CTBP2: variants seen among roughly 807,000 people sequenced by gnomAD.
The protein encoded by CTBP2 is C-terminal-binding protein 2.
Under a neutral mutation model 80.3 loss-of-function variants are expected in CTBP2, and 30 were observed. That is an observed-to-expected ratio of 0.37 (90% confidence interval 0.28 to 0.51). The LOEUF is 0.51. Among genes scored for constraint, CTBP2 ranks in the 20% least tolerant of loss-of-function variants. The pLI is 0.93. For synonymous variants in CTBP2, 594 were observed against 587.4 expected, an observed-to-expected ratio of 1.01 and a Z score of -0.16; for missense variants, 1,212 against 1,375.3, an observed-to-expected ratio of 0.88 and a Z score of 1.88.
intron 1 of CTBP2, among the ~76,000 whole-genome samples, chr10:125,149,044 C>T (rs1200718547): frequency 2.0e-5 from 3 of 152,160 alleles, no homozygotes; most frequent in East Asian, 1.9e-4. Flanking sequence ...TCCACCACTG[C>T]GCCGTGTTCT....
At chr10:125,077,195 G>A (rs1223805190) in intron 2 of CTBP2, among the ~76,000 whole-genome samples, 2 of 152,172 alleles carry the variant, frequency 1.3e-5, no homozygotes, top group African/African-American at 4.8e-5. Context: ...CCAAAATGTC[G>A]CTATTGTAAG....
chr10:125,036,856 G>A (rs1450241874), intron 3 of CTBP2, among the ~76,000 whole-genome samples: 1 of 152,056 alleles, frequency 6.6e-6, no homozygotes, highest in Non-Finnish European at 1.5e-5. Context: ...ACGCCTCTCT[G>A]GCAGCACCTG....
At chr10:125,083,454 C>T (rs1376408028) in intron 2 of CTBP2, among the ~76,000 whole-genome samples, 1 of 152,168 alleles carries the variant, frequency 6.6e-6, no homozygotes, top group Admixed American at 6.5e-5. Context: ...ATGTGCAGAC[C>T]CCCGACCTGG....
intron 2 of CTBP2, among the ~76,000 whole-genome samples, chr10:125,061,018 C>T (rs1036761034): frequency 2.6e-5 from 4 of 152,208 alleles, no homozygotes; most frequent in African/African-American, 7.2e-5. Context: ...TGCTAGATCC[C>T]GGCTCCCGGC....
chr10:125,064,062 AT>A (rs886172994), intron 2 of CTBP2, among the ~76,000 whole-genome samples: 1 of 152,016 alleles, frequency 6.6e-6, no homozygotes, highest in Non-Finnish European at 1.5e-5. Context: ...CATTAAAAAA[AT>A]AAATCACTGC....
chr10:124,998,964 A>C (rs1269380007), intron 3 of CTBP2: 1 of 152,352 alleles, frequency 6.6e-6, no homozygotes, highest in Non-Finnish European at 1.5e-5. Flanking sequence ...ATAGGCAGAA[A>C]GGGCCCTGCC....
chr10:124,984,712 A>T lies in CTBP2; in HGVS notation c.*4806T>A, dbSNP rs113039088. On this transcript the variant is annotated 3_prime_UTR_variant, in exon 9 of 9. Coordinates refer to ENST00000309035, the MANE Select transcript of CTBP2 (RefSeq NM_022802.3). ...TACCAGCTGTAGGTTTCCATGTCAC[A>T]TTCCTACCAAGTCTCTGATCTGTTG... 5.9e-6 allele frequency: 9 copies of T among 1,536,224 alleles called. No individual in the cohort carries two copies. In the African/African-American group the frequency reaches 8.2e-5, roughly 14 times the overall value.
intron 1 of CTBP2, among the ~76,000 whole-genome samples, chr10:125,022,539 G>A (rs1251400300): frequency 6.6e-6 from 1 of 152,028 alleles, no homozygotes; most frequent in East Asian, 1.9e-4. Flanking sequence ...GAGGAAGGAA[G>A]GAAGAAGTGA....
chr10:125,139,423 C>T (rs996356459), intron 1 of CTBP2, among the ~76,000 whole-genome samples: 3 of 150,770 alleles, frequency 2.0e-5, no homozygotes, highest in Non-Finnish European at 4.4e-5. Flanking sequence ...ATAATTATTC[C>T]ACCAAATTAA....
rs1228965818 is a variant in CTBP2, at chr10:125,026,568, G to C, written c.1192C>G (p.Arg398Gly). 1.3e-6 allele frequency: 2 copies of C among 1,566,216 alleles called. No homozygotes were observed. Among genetic ancestry groups the C allele is most frequent in the Non-Finnish European group, 1.7e-6 (2 of 1,155,838 alleles). The change falls in exon 1 of 9, where the codon CGA becomes GGA. Residue 398 changes from arginine to glycine, a missense_variant. Physicochemically the swap from Arg to Gly is moderately radical, Grantham distance 125 (BLOSUM62 -2). This residue lies in a region of CTBP2 where 848 missense variants were observed against 782.3 expected (regional missense o/e 1.08). Transcript: ENST00000309035. ...GGACGGCGAGCCGGGTCTCCAGCTCGGGGGGATGCTGTCTGCAGAGGAGCC... is the reference window on the plus strand; with the variant it reads ...GGACGGCGAGCCGGGTCTCCAGCTCCGGGGGATGCTGTCTGCAGAGGAGCC...
chr10:125,159,693 G>A (rs1468372038), intron 1 of CTBP2, among the ~76,000 whole-genome samples: 1 of 149,266 alleles, frequency 6.7e-6, no homozygotes, highest in Non-Finnish European at 1.5e-5. Context: ...CTTCCCCACG[G>A]AACCCCTCTT....
rs774950588 is a variant in CTBP2 at position 125,051,214 on chromosome 10, C to T, written c.-101-12059G>A. On this transcript the variant is annotated intron_variant, in intron 2 of 10. Transcript: ENST00000337195. ...TTATGTCCCCACCCCAGACACCATT[C>T]GAAAACGGTACATGGAGACCCTTAG... is the stretch of plus-strand genomic sequence containing the variant. Among the ~76,000 whole-genome samples the T allele has an allele frequency of 3.9e-5, 6 of 152,288 alleles. No individual in the cohort carries two copies. The South Asian group carries it at 8.3e-4, about 21-fold the overall frequency.
chr10:125,144,761 C>A (rs535329228), intron 1 of CTBP2, among the ~76,000 whole-genome samples: 1 of 152,350 alleles, frequency 6.6e-6, no homozygotes, highest in South Asian at 2.1e-4. Context: ...TCTGTGGCAT[C>A]CATCTTTGAC....
At chr10:125,122,328 T>C (rs934891049) in intron 1 of CTBP2, among the ~76,000 whole-genome samples, 2 of 152,254 alleles carry the variant, frequency 1.3e-5, no homozygotes, top group Admixed American at 6.5e-5. Flanking sequence ...CACACAAGTA[T>C]GTATGTTCAA....
Position 124,984,449 on chromosome 10 carries a change from CT to C in CTBP2, c.*5068del, listed in dbSNP as rs1257828592. The C allele has an allele frequency of 2.8e-5, 7 of 254,048 alleles. No homozygotes were observed. The highest frequency in any genetic ancestry group is 4.5e-5 in the Non-Finnish European group (6 of 134,784). 15.7% of individuals were successfully genotyped at this position (254,048 alleles called of 1,614,324 possible). A position where few individuals can be genotyped will look rare whatever the true frequency, so the allele number is the denominator to read the frequency against. Reference sequence around the variant, plus strand: ...GCTTGTACATAATTGACTAAGTAAACTTACCTTGTCATGTGTTTGAAGCTGT... The same window carrying C: ...GCTTGTACATAATTGACTAAGTAAACTACCTTGTCATGTGTTTGAAGCTGT... On this transcript the variant is annotated 3_prime_UTR_variant, in exon 9 of 9. Transcript: ENST00000309035.
At chr10:125,049,325 C>T (rs1962145220) in intron 2 of CTBP2, among the ~76,000 whole-genome samples, 1 of 152,220 alleles carries the variant, frequency 6.6e-6, no homozygotes, top group African/African-American at 2.4e-5. Flanking sequence ...ACAGTTGTCA[C>T]AGCAGCAGGA....
chr10:125,072,077 G>A (rs1003243484), intron 2 of CTBP2, among the ~76,000 whole-genome samples: 40 of 152,270 alleles, frequency 2.6e-4, no homozygotes, highest in African/African-American at 9.4e-4. Flanking sequence ...CACATACATG[G>A]CCGGGCACGG....
chr10:125,076,571 C>G (rs1277672256), intron 2 of CTBP2, among the ~76,000 whole-genome samples: 1 of 152,234 alleles, frequency 6.6e-6, no homozygotes, highest in Non-Finnish European at 1.5e-5. Flanking sequence ...AAAAGAGCAC[C>G]TGGGACTTGA....
intron 2 of CTBP2, among the ~76,000 whole-genome samples, chr10:125,061,790 A>C (rs1416419217): frequency 6.6e-6 from 1 of 152,050 alleles, no homozygotes; most frequent in African/African-American, 2.4e-5. Context: ...TGCAACTGTC[A>C]CACCCTTACT....
Sources: gnomAD v4.1 joint callset for allele counts (sites outside exome capture counted in the v4.1 genomes callset) on GRCh38, gnomAD v4.1.1 for gene constraint, gnomAD v4.1.1 regional missense constraint, MANE v1.5 for transcripts, NCBI Gene and HGNC (gene_info 2026-07-23, HGNC 2026-07-21) for gene names.